Variants in EMCN observed in about 807,000 individuals in gnomAD.
EMCN encodes the protein MUC-14.
Under a neutral mutation model 38.4 loss-of-function variants are expected in EMCN, and 37 were observed. The observed-to-expected ratio is 0.96, with a 90% CI of 0.74 to 1.27. The LOEUF (loss-of-function observed/expected upper bound fraction) is 1.27, where lower values mean the gene tolerates loss of function less well. Among genes scored for constraint, EMCN ranks in the 50% most tolerant of loss-of-function variants. The probability of loss-of-function intolerance (pLI) is 0.00; values close to 1 mark genes in which losing one functional copy is unlikely to be tolerated. For synonymous variants in EMCN, 95 were observed against 100.8 expected, an observed-to-expected ratio of 0.94 and a Z score of 0.35; for missense variants, 318 against 302.8, an observed-to-expected ratio of 1.05 and a Z score of -0.37.
chr4:100,486,126 A>T (rs1350251834), intron 1 of EMCN, among the ~76,000 whole-genome samples: 2 of 152,154 alleles, frequency 1.3e-5, no homozygotes, highest in East Asian at 3.8e-4. Flanking sequence ...TTATATAATT[A>T]GTACTATACA....
chr4:100,445,897 C>T (rs573780820), intron 5 of EMCN: 26 of 198,370 alleles, frequency 1.3e-4, no homozygotes, highest in Admixed American at 7.2e-4. Context: ...TAATCCACTA[C>T]GCAAATAAAT....
At chr4:100,407,053 T>A (rs1192527501) in intron 11 of EMCN, among the ~76,000 whole-genome samples, 1 of 152,166 alleles carries the variant, frequency 6.6e-6, no homozygotes, top group Admixed American at 6.5e-5. Context: ...TGCTCTTTTT[T>A]GTTTGTTTTC....
At chr4:100,427,399 G>A (rs574651521) in intron 5 of EMCN, among the ~76,000 whole-genome samples, 1 of 151,408 alleles carries the variant, frequency 6.6e-6, no homozygotes, top group East Asian at 1.9e-4. Context: ...AGCCTCCTAA[G>A]TAGATAGGGC....
rs1049740870 is a variant in EMCN at position 100,397,867 on chromosome 4, C to T, written c.*546G>A. On this transcript the variant is annotated 3_prime_UTR_variant, in exon 12 of 12. Coordinates refer to ENST00000296420, the MANE Select transcript of EMCN (RefSeq NM_016242.4). ...CAGTAGTTATTTATTAAAAGTAACA[C>T]GAAAGCAGGAATAAAATACTTATAT... 10 of 151,872 alleles carry T rather than the reference C, an allele frequency of 6.6e-5. No homozygotes were observed. Among genetic ancestry groups the T allele is most frequent in the South Asian group, 2.1e-4 (1 of 4,808 alleles). The allele number at this position is 151,872 out of a possible 1,614,324, so 9.4% of individuals were successfully genotyped here.
At chr4:100,422,851 A>G (rs553849356) in intron 7 of EMCN, among the ~76,000 whole-genome samples, 170 bp downstream of exon 7, 7 of 112,768 alleles carry the variant, frequency 6.2e-5, no homozygotes, top group Non-Finnish European at 1.2e-4. Context: ...ATTAAGACTC[A>G]CTTGTGGGAA....
chr4:100,475,721 AG>A (rs1215336710), intron 2 of EMCN, among the ~76,000 whole-genome samples: 3 of 114,340 alleles, frequency 2.6e-5, no homozygotes, highest in African/African-American at 1.0e-4. Context: ...TCTGTCGCCC[AG>A]GCTGGAGTGC....
At chr4:100,433,371 C>T (rs1354115625) in intron 5 of EMCN, among the ~76,000 whole-genome samples, 1 of 152,124 alleles carries the variant, frequency 6.6e-6, no homozygotes, top group East Asian at 1.9e-4. Flanking sequence ...TTAACAGACA[C>T]TTTTAGTTTC....
intron 1 of EMCN, among the ~76,000 whole-genome samples, chr4:100,512,716 G>T (rs1729658047): frequency 2.0e-5 from 3 of 150,824 alleles, no homozygotes; most frequent in African/African-American, 7.3e-5. Context: ...TGAGGCAGGA[G>T]AATCGCTTGA....
At chr4:100,450,773 A>G (rs1374530653) in intron 4 of EMCN, among the ~76,000 whole-genome samples, 1 of 151,962 alleles carries the variant, frequency 6.6e-6, no homozygotes, top group African/African-American at 2.4e-5. Context: ...GTCTCAAAAT[A>G]AGTTTCATAG....
intron 3 of EMCN, chr4:100,473,812 CGAAAATTAAAAAATCCTCGTTTTGA>C (rs143824954): frequency 0.021 from 3,155 of 152,828 alleles, 55 homozygotes; most frequent in Middle Eastern, 0.044. Context: ...ATGAGCTGAG[CGAAAATTAAAAAATCCTCGTTTTGA>C]AGTGTCATCT....
intron 2 of EMCN, among the ~76,000 whole-genome samples, chr4:100,478,157 G>A (rs1578220981): frequency 6.6e-6 from 1 of 151,960 alleles, no homozygotes; most frequent in East Asian, 1.9e-4. Context: ...TTTGCCTAAC[G>A]GCTTTCTCAG....
At chr4:100,496,292 G>C (rs1013887396) in intron 1 of EMCN, among the ~76,000 whole-genome samples, 29 of 152,096 alleles carry the variant, frequency 1.9e-4, no homozygotes, top group Non-Finnish European at 7.4e-5. Flanking sequence ...GTTCAGAAGA[G>C]TCATTTACCA....
intron 3 of EMCN, among the ~76,000 whole-genome samples, chr4:100,470,420 A>G (rs1728445284): frequency 6.6e-6 from 1 of 151,834 alleles, no homozygotes; most frequent in Non-Finnish European, 1.5e-5. Context: ...GAGAAAAAGG[A>G]AGGCTTATAC....
intron 4 of EMCN, among the ~76,000 whole-genome samples, chr4:100,448,224 T>G (rs1727734170): frequency 6.6e-6 from 1 of 152,116 alleles, no homozygotes; most frequent in South Asian, 2.1e-4. Context: ...CAAAGATCAC[T>G]TCAACACCTT....
intron 8 of EMCN, among the ~76,000 whole-genome samples, chr4:100,417,917 A>T (rs985008746): frequency 9.9e-5 from 15 of 152,136 alleles, no homozygotes; most frequent in Non-Finnish European, 2.1e-4. Context: ...ATTCCATTGC[A>T]GCTTCTGTTT....
chr4:100,411,406 G>C (rs1268312914), intron 10 of EMCN, among the ~76,000 whole-genome samples: 1 of 152,112 alleles, frequency 6.6e-6, no homozygotes, highest in Non-Finnish European at 1.5e-5. Context: ...TCATCCCCTA[G>C]TATCTGCCAG....
intron 1 of EMCN, among the ~76,000 whole-genome samples, chr4:100,490,276 G>A (rs1729044787): frequency 6.6e-6 from 1 of 151,498 alleles, no homozygotes; most frequent in African/African-American, 2.4e-5. Context: ...TGTGTTTTAA[G>A]CTAAGTGTTA....
intron 1 of EMCN, among the ~76,000 whole-genome samples, chr4:100,488,003 A>T (rs1728984159): frequency 6.6e-6 from 1 of 152,176 alleles, no homozygotes; most frequent in Admixed American, 6.5e-5. Context: ...CTAGCAGATC[A>T]CATTAGTTTA....
chr4:100,447,526 A>G lies in EMCN; in HGVS notation c.415+7T>C, dbSNP rs1167119413. 1.2e-6 allele frequency: 2 copies of G among 1,600,042 alleles called. No individual in the cohort carries two copies. Among genetic ancestry groups the G allele is most frequent in the Admixed American group, 1.7e-5 (1 of 59,598 alleles). On this transcript the variant is annotated splice_region_variant and intron_variant, in intron 5 of 11. Coordinates refer to ENST00000296420, the MANE Select transcript of EMCN (RefSeq NM_016242.4). ...ACTAAGAGAGAGACAGAGAAAAAAG[A>G]GCTTACCTGGTATTTCTGTTGTTTT...
Sources: allele counts gnomAD v4.1 joint callset (sites outside exome capture counted in the v4.1 genomes callset), GRCh38; gene constraint gnomAD v4.1.1; transcripts MANE v1.5; gene names NCBI Gene and HGNC (gene_info 2026-07-23, HGNC 2026-07-21).